Variants in HNRNPLL observed in about 807,000 individuals in gnomAD.
HNRNPLL encodes heterogeneous nuclear ribonucleoprotein L-like.
A neutral mutation model predicts 67.1 loss-of-function variants in HNRNPLL; 25 were observed. The observed-to-expected ratio is 0.37, with a 90% CI of 0.27 to 0.52. The LOEUF (loss-of-function observed/expected upper bound fraction) is 0.52, where lower values mean the gene tolerates loss of function less well. HNRNPLL is among the 20% of genes least tolerant of loss of function. The probability of loss-of-function intolerance (pLI) is 0.90; values close to 1 mark genes in which losing one functional copy is unlikely to be tolerated. For missense variants in HNRNPLL, 542 were observed against 673.9 expected, an observed-to-expected ratio of 0.80 and a Z score of 2.17; for synonymous variants, 267 against 241.7, an observed-to-expected ratio of 1.10 and a Z score of -0.97.
chr2:38,587,413 GA>G (rs1666779430), intron 2 of HNRNPLL, among the ~76,000 whole-genome samples: 1 of 152,086 alleles, frequency 6.6e-6, no homozygotes, highest in African/African-American at 2.4e-5. Flanking sequence ...TCAGAAGCTA[GA>G]AACAGAGCCT....
rs757090547 is a variant in HNRNPLL at position 38,569,115 on chromosome 2, T to A, written c.1416+18A>T. On this transcript the variant is annotated intron_variant, in intron 10 of 12. Transcript: ENST00000449105. ...GGAAATAGCAACATTCTATACACAT[T>A]TGTATTTCAGTGCCTACCTTTGTGA... 1 of 1,520,174 alleles carries A rather than the reference T, an allele frequency of 6.6e-7. No individual in the cohort carries two copies. The highest frequency in any genetic ancestry group is 9.1e-7 in the Non-Finnish European group (1 of 1,094,672). 94.2% of individuals were successfully genotyped at this position (1,520,174 alleles called of 1,614,324 possible).
intron 7 of HNRNPLL, among the ~76,000 whole-genome samples, chr2:38,573,761 C>G (rs891178573): frequency 1.3e-5 from 2 of 151,546 alleles, no homozygotes; most frequent in Admixed American, 1.3e-4. Context: ...TAAATTATAC[C>G]TCAAATTTAA....
At chr2:38,596,749 C>T (rs1395057669) in intron 1 of HNRNPLL, among the ~76,000 whole-genome samples, 11 of 152,028 alleles carry the variant, frequency 7.2e-5, no homozygotes, top group Non-Finnish European at 2.9e-5. Flanking sequence ...AAGTTATTTC[C>T]ATTTCAGATG....
intron 1 of HNRNPLL, among the ~76,000 whole-genome samples, chr2:38,600,741 G>C (rs1667399758): frequency 6.8e-6 from 1 of 146,808 alleles, no homozygotes; most frequent in Admixed American, 6.8e-5. Flanking sequence ...CATAGAGTGA[G>C]ATCCTCTCAA....
At chr2:38,573,009 G>A (rs1400866480) in intron 8 of HNRNPLL, among the ~76,000 whole-genome samples, 5 of 151,958 alleles carry the variant, frequency 3.3e-5, no homozygotes, top group Admixed American at 6.6e-5. Flanking sequence ...AAAAATATTT[G>A]TAGTATCAAC....
intron 6 of HNRNPLL, among the ~76,000 whole-genome samples, chr2:38,579,512 T>C (rs962162884): frequency 2.6e-5 from 4 of 152,164 alleles, no homozygotes; most frequent in African/African-American, 9.6e-5. Context: ...GAGCAGAAAG[T>C]TGAACCCTAA....
Position 38,581,958 on chromosome 2 carries a change from C to T in HNRNPLL, c.757G>A (p.Asp253Asn). The change falls in exon 6 of 13, where the codon GAC becomes AAC. Residue 253 changes from aspartate to asparagine, a missense_variant. By Grantham distance (23) the Asp-to-Asn change is conservative (BLOSUM62 1). Transcript: ENST00000449105. ...RPTRLNVIRN[D>N]NDSWDYTKPY... Reference sequence around the variant, plus strand: ...TTAGTGTAGTCCCAACTGTCATTGTCATTCCTAATAACATTTAGACGAGTT... The same window carrying T: ...TTAGTGTAGTCCCAACTGTCATTGTTATTCCTAATAACATTTAGACGAGTT... 1 of 1,612,222 alleles carries T rather than the reference C, an allele frequency of 6.2e-7. No individual in the cohort carries two copies. The highest frequency in any genetic ancestry group is 8.5e-7 in the Non-Finnish European group (1 of 1,178,340).
In HNRNPLL at chr2:38,602,631, G is replaced by A. The variant is rs1443297780; in HGVS notation, c.-5C>T. 56 of 1,510,572 alleles carry A rather than the reference G, an allele frequency of 3.7e-5. No homozygotes were observed. The highest frequency in any genetic ancestry group is 4.9e-5 in the Non-Finnish European group (55 of 1,133,896). The allele number at this position is 1,510,572 out of a possible 1,614,324, so 93.6% of individuals were successfully genotyped here. A position where few individuals can be genotyped will look rare whatever the true frequency, so the allele number is the denominator to read the frequency against. On this transcript the variant is annotated 5_prime_UTR_variant, in exon 1 of 13. Coordinates refer to ENST00000449105, the MANE Select transcript of HNRNPLL (RefSeq NM_138394.4). ...GGAGGAAGAGGAGGAGGACATGGCG[G>A]CGGCCGGAGGGACCGGCTGGCAGGC...
chr2:38,567,953 C>T (rs1665935528), intron 12 of HNRNPLL: 2 of 339,624 alleles, frequency 5.9e-6, no homozygotes, highest in Non-Finnish European at 5.4e-6. Context: ...AGCTGAAATG[C>T]ACCCAAAATA....
intron 6 of HNRNPLL, among the ~76,000 whole-genome samples, chr2:38,578,653 A>G (rs1666398982): frequency 6.6e-6 from 1 of 152,174 alleles, no homozygotes; most frequent in South Asian, 2.1e-4. Context: ...CTTTTACTCA[A>G]TGTAAAAATT....
intron 6 of HNRNPLL, among the ~76,000 whole-genome samples, chr2:38,579,452 T>C (rs555250645): frequency 2.9e-4 from 44 of 151,960 alleles, no homozygotes; most frequent in African/African-American, 8.4e-4. Context: ...TAATAATAAT[T>C]CACTTCATTT....
intron 1 of HNRNPLL, among the ~76,000 whole-genome samples, chr2:38,593,342 G>A (rs1212185014): frequency 6.6e-6 from 1 of 152,140 alleles, no homozygotes; most frequent in Non-Finnish European, 1.5e-5. Flanking sequence ...AATAAAGCAG[G>A]AAGAGCTCTA....
Position 38,602,315 on chromosome 2 carries a change from G to T in HNRNPLL, c.189+123C>A, listed in dbSNP as rs1034199646. ...ACGAGCCCCAAAGAGAAGAGTGGGC[G>T]CTTCCCCAAACGGGTCGGCGCAGCG... On this transcript the variant is annotated intron_variant, in intron 1 of 12. Coordinates refer to ENST00000449105, the MANE Select transcript of HNRNPLL (RefSeq NM_138394.4). The T allele has an allele frequency of 1.6e-5, 14 of 879,860 alleles. No homozygotes were observed. In the African/African-American group the frequency reaches 2.4e-4, roughly 15 times the overall value. 54.5% of individuals were successfully genotyped at this position (879,860 alleles called of 1,614,324 possible).
chr2:38,562,596 T>C lies in HNRNPLL; in HGVS notation c.*1586A>G, dbSNP rs999629651. Reference sequence around the variant, plus strand: ...AGCTTTATTGTAAAGTTAGATAAACTTAGGTATTAAATTGGCAATGAATAA... The same window carrying C: ...AGCTTTATTGTAAAGTTAGATAAACCTAGGTATTAAATTGGCAATGAATAA... On this transcript the variant is annotated 3_prime_UTR_variant, in exon 13 of 13. Coordinates refer to ENST00000449105, the MANE Select transcript of HNRNPLL (RefSeq NM_138394.4). The C allele has an allele frequency of 6.6e-6, 1 of 152,116 alleles. No homozygotes were observed. Among genetic ancestry groups the C allele is most frequent in the Non-Finnish European group, 1.5e-5 (1 of 67,996 alleles). 9.4% of individuals were successfully genotyped at this position (152,116 alleles called of 1,614,324 possible).
intron 6 of HNRNPLL, among the ~76,000 whole-genome samples, chr2:38,578,355 C>T (rs983700287): frequency 1.3e-5 from 2 of 151,944 alleles, no homozygotes; most frequent in African/African-American, 4.8e-5. Context: ...AAAATAGCAC[C>T]TCCTATGTTA....
chr2:38,589,648 A>C (rs957754713), intron 2 of HNRNPLL, among the ~76,000 whole-genome samples: 3 of 152,216 alleles, frequency 2.0e-5, no homozygotes, highest in African/African-American at 7.2e-5. Context: ...TAAGTATCAA[A>C]TCAAAATTTT....
chr2:38,584,688 T>A (rs1314568099), intron 3 of HNRNPLL, among the ~76,000 whole-genome samples: 1 of 152,068 alleles, frequency 6.6e-6, no homozygotes, highest in Non-Finnish European at 1.5e-5. Context: ...ACAATGGCCA[T>A]AAAGAAAAGA....
In HNRNPLL at chr2:38,587,975, C is replaced by CT. The variant is rs201123816; in HGVS notation, c.309-2095dup. Among the ~76,000 whole-genome samples the CT allele has an allele frequency of 4.9e-4, 74 of 151,996 alleles. 4 individuals are homozygous for CT. In the East Asian group the frequency reaches 0.013, roughly 27 times the overall value. ...TTTGTGTGCGCGCTCTCTCTCCTCT[C>CT]TTTTTTTTCTCTCTCTCTCCTGCTG... is the stretch of plus-strand genomic sequence containing the variant. On this transcript the variant is annotated intron_variant, in intron 2 of 12. Coordinates refer to ENST00000449105, the MANE Select transcript of HNRNPLL (RefSeq NM_138394.4).
chr2:38,585,362 A>C (rs2148365078), intron 3 of HNRNPLL, among the ~76,000 whole-genome samples: 1 of 152,326 alleles, frequency 6.6e-6, no homozygotes, highest in Non-Finnish European at 1.5e-5. Context: ...GAACGATTTC[A>C]AACAAGTCTG....
Sources: gnomAD v4.1 joint callset for allele counts (sites outside exome capture counted in the v4.1 genomes callset) on GRCh38, gnomAD v4.1.1 for gene constraint, MANE v1.5 for transcripts, NCBI Gene and HGNC (gene_info 2026-07-23, HGNC 2026-07-21) for gene names.